The following NFASC variants were observed in gnomAD, a reference collection of about 807,000 sequenced individuals.
The protein encoded by NFASC is neurofascin homolog.
A neutral mutation model predicts 147.5 loss-of-function variants in NFASC; 43 were observed. That is an observed-to-expected ratio of 0.29 (90% CI 0.23 to 0.38). NFASC has a LOEUF of 0.38. Among genes scored for constraint, NFASC ranks in the 10% least tolerant of loss-of-function variants. The pLI is 1.00. For synonymous variants in NFASC, 622 were observed against 665.5 expected (o/e 0.93, Z 1.01); for missense variants, 1,320 against 1,689.0 (o/e 0.78, Z 3.83).
chr1:204,957,400 A>G (rs1365539412), intron 7 of NFASC, among the ~76,000 whole-genome samples: 1 of 152,214 alleles, frequency 6.6e-6, no homozygotes, highest in Non-Finnish European at 1.5e-5. Flanking sequence ...GAACATGGAC[A>G]TGGTGGGCAG....
chr1:204,915,843 A>G (rs1407190403), intron 1 of NFASC, among the ~76,000 whole-genome samples: 1 of 152,202 alleles, frequency 6.6e-6, no homozygotes, highest in Non-Finnish European at 1.5e-5. Context: ...GGACCAGCTT[A>G]TACTTTGTGG....
intron 1 of NFASC, among the ~76,000 whole-genome samples, chr1:204,901,938 GT>G (rs2084709279): frequency 6.6e-6 from 1 of 152,136 alleles, no homozygotes; most frequent in Non-Finnish European, 1.5e-5. Flanking sequence ...TGCAGGTTCT[GT>G]TTTGGTGACT....
intron 2 of NFASC, among the ~76,000 whole-genome samples, chr1:204,925,820 G>C (rs1312098700): frequency 6.6e-6 from 1 of 152,210 alleles, no homozygotes; most frequent in East Asian, 1.9e-4. Context: ...GATGTGTCCA[G>C]ATGGTGGGTC....
At chr1:204,940,955 A>G (rs371188257) in intron 2 of NFASC, among the ~76,000 whole-genome samples, 269 of 152,340 alleles carry the variant, frequency 1.8e-3, no homozygotes, top group Middle Eastern at 6.8e-3. Flanking sequence ...TTTTGCACAT[A>G]TACCTTAGAA....
intron 8 of NFASC, among the ~76,000 whole-genome samples, chr1:204,967,058 G>A (rs774409036): frequency 9.2e-5 from 14 of 152,118 alleles, no homozygotes; most frequent in Non-Finnish European, 1.9e-4. Flanking sequence ...CCCTGGATAA[G>A]TGTCTTCATC....
intron 1 of NFASC, among the ~76,000 whole-genome samples, chr1:204,858,217 G>A (rs1198583026): frequency 6.6e-6 from 1 of 152,076 alleles, no homozygotes; most frequent in Non-Finnish European, 1.5e-5. Flanking sequence ...ACCGAGGCTG[G>A]CCTAATCTCC....
chr1:204,949,158 C>A (rs2093962154), intron 3 of NFASC, among the ~76,000 whole-genome samples: 1 of 152,222 alleles, frequency 6.6e-6, no homozygotes. Context: ...TATTTTGGAT[C>A]TTTTCATGAG....
chr1:204,946,650 T>C (rs1257299995), intron 3 of NFASC: 3 of 511,492 alleles, frequency 5.9e-6, no homozygotes, highest in Non-Finnish European at 1.2e-5. Flanking sequence ...CTGGGCCTCC[T>C]GTACTGCTGG....
chr1:204,998,854 T>G (rs554303130), intron 25 of NFASC: 1 of 152,334 alleles, frequency 6.6e-6, no homozygotes, highest in Admixed American at 6.5e-5. Context: ...AACACAGGCC[T>G]TGTTGCCACA....
intron 1 of NFASC, among the ~76,000 whole-genome samples, chr1:204,861,790 C>T (rs936040124): frequency 6.6e-6 from 1 of 152,146 alleles, no homozygotes; most frequent in African/African-American, 2.4e-5. Flanking sequence ...CACCCGGCCT[C>T]TTCTCACTTC....
At position 205,017,736 on chromosome 1, in the gene NFASC, G is replaced by A. The variant is rs1412284538; in HGVS notation, c.*1197G>A. 6.5e-6 allele frequency: 1 copy of A among 152,828 alleles called. No homozygotes were observed. Among genetic ancestry groups the A allele is most frequent in the Non-Finnish European group, 1.5e-5 (1 of 68,152 alleles). The allele number at this position is 152,828 out of a possible 1,614,324, so 9.5% of individuals were successfully genotyped here. A position where few individuals can be genotyped will look rare whatever the true frequency, so the allele number is the denominator to read the frequency against. On this transcript the variant is annotated 3_prime_UTR_variant, in exon 30 of 30. Coordinates refer to ENST00000339876, the MANE Select transcript of NFASC (RefSeq NM_001005388.3). The stretch of plus-strand genomic sequence containing the variant: ...CTGAGGCTCTTGTTTGACATGGTGT[G>A]TGGATGGGGACTTGCCCCAAGACTG...
At chr1:204,835,749 C>T (rs1294411965) in intron 1 of NFASC, among the ~76,000 whole-genome samples, 2 of 152,138 alleles carry the variant, frequency 1.3e-5, no homozygotes, top group African/African-American at 4.8e-5. Flanking sequence ...ACTCTTCTAA[C>T]CTCGTTGCAC....
intron 1 of NFASC, among the ~76,000 whole-genome samples, chr1:204,840,478 A>G (rs1163987813): frequency 1.3e-5 from 2 of 152,216 alleles, no homozygotes; most frequent in Non-Finnish European, 2.9e-5. Context: ...ACAAGAGACT[A>G]TAAGTGGCTT....
Position 204,974,717 on chromosome 1 carries a change from C to T in NFASC, c.1452C>T (p.Gly484=). The part of the protein sequence containing the change: ...DGGNYHVYEN[G]SLEIKMIRKE... Reference sequence around the variant, plus strand: ...GCAACTACCATGTTTATGAGAACGGCAGTCTGGAAATTAAGATGATCCGCA... The same window carrying T: ...GCAACTACCATGTTTATGAGAACGGTAGTCTGGAAATTAAGATGATCCGCA... The change falls in exon 14 of 30, where the codon GGC becomes GGT. Residue 484 remains glycine, a synonymous_variant. Transcript: ENST00000339876. 1.9e-6 allele frequency: 3 copies of T among 1,614,166 alleles called. No individual in the cohort carries two copies. Among genetic ancestry groups the T allele is most frequent in the Non-Finnish European group, 2.5e-6 (3 of 1,180,000 alleles).
chr1:204,950,508 G>A (rs765172889), intron 3 of NFASC, 49 bp from the exon 4 acceptor site: 3 of 1,587,734 alleles, frequency 1.9e-6, no homozygotes, highest in South Asian at 1.1e-5. Context: ...TGTGCATAAC[G>A]ATGTTCTTCT....
At chr1:204,960,794 C>A (rs2094625276) in intron 8 of NFASC, among the ~76,000 whole-genome samples, 1 of 152,200 alleles carries the variant, frequency 6.6e-6, no homozygotes, top group African/African-American at 2.4e-5. Flanking sequence ...CCTTTAGCTC[C>A]AGATGGACCC....
intron 8 of NFASC, among the ~76,000 whole-genome samples, chr1:204,962,855 G>A (rs1214967723): frequency 6.6e-6 from 1 of 152,146 alleles, no homozygotes; most frequent in Non-Finnish European, 1.5e-5. Flanking sequence ...ATTACAATGA[G>A]GCATGGTTTT....
At chr1:204,930,303 C>G (rs190280260) in intron 2 of NFASC, among the ~76,000 whole-genome samples, 1 of 152,008 alleles carries the variant, frequency 6.6e-6, no homozygotes. Context: ...TCTGCAGAGC[C>G]GGGGCAGGCT....
intron 25 of NFASC, chr1:204,999,870 C>G (rs2095936124): frequency 6.6e-6 from 1 of 152,172 alleles, no homozygotes; most frequent in African/African-American, 2.4e-5. Context: ...GTGACAGTGC[C>G]CCCTTGCATG....
Sources: gnomAD v4.1 joint callset for allele counts (sites outside exome capture counted in the v4.1 genomes callset) on GRCh38, gnomAD v4.1.1 for gene constraint, MANE v1.5 for transcripts, NCBI Gene and HGNC (gene_info 2026-07-23, HGNC 2026-07-21) for gene names.